Variants in SPANXN3 observed in about 807,000 individuals in gnomAD.
SPANXN3 encodes SPANX family member N3.
Under a neutral mutation model 1.9 loss-of-function variants are expected in SPANXN3, and 1 was observed. The observed-to-expected ratio is 0.54, with a 90% CI of 0.19 to 2.54. The LOEUF is 2.54. Ranked by LOEUF, SPANXN3 falls within the 30% of genes most tolerant of loss-of-function variation. The pLI, the probability that SPANXN3 is intolerant of heterozygous loss-of-function variation, is 0.24. For synonymous variants in SPANXN3, 47 were observed against 40.0 expected, an observed-to-expected ratio of 1.17 and a Z score of -0.66; for missense variants, 113 against 96.2, an observed-to-expected ratio of 1.17 and a Z score of -0.73.
intron 1 of SPANXN3, among the ~76,000 whole-genome samples, chrX:143,516,382 T>C (rs1475081662): frequency 8.9e-6 from 1 of 111,941 alleles, no homozygotes; most frequent in Non-Finnish European, 1.9e-5. Context: ...ACATACACCC[T>C]GGTGTTTCAG....
chrX:143,510,419 A>T (rs1293339767), intron 1 of SPANXN3, among the ~76,000 whole-genome samples: 2 of 110,848 alleles, frequency 1.8e-5, no homozygotes, highest in African/African-American at 3.3e-5. Context: ...GGTGGAATCC[A>T]GTACTCACTT....
At position 143,509,140 on chromosome X, in the gene SPANXN3, A is replaced by T. The variant is rs782020690; in HGVS notation, c.101T>A (p.Val34Asp). The T allele has an allele frequency of 4.1e-6, 5 of 1,206,627 alleles. No homozygotes were observed. Among genetic ancestry groups the T allele is most frequent in the South Asian group, 1.8e-5 (1 of 56,267 alleles). ...NDEMQEVPNRVLAPEQSLKNT... is the reference protein window; with the variant it reads ...NDEMQEVPNRDLAPEQSLKNT... The stretch of plus-strand genomic sequence containing the variant: ...CTTCAAACTCTGTTCGGGGGCTAAG[A>T]CTCTGTTTGGTACCTCTTGCATCTG... Residue 34 changes from valine (V) to aspartate (D), a missense_variant, in exon 2 of 2, where the codon GTC (valine) becomes GAC (aspartate). Transcript: ENST00000370503.
At chrX:143,509,214 A>C in intron 1 of SPANXN3, 52 bp from the exon 2 acceptor site, 1 of 1,040,118 alleles carries the variant, frequency 9.6e-7, no homozygotes, top group African/African-American at 1.9e-5. Flanking sequence ...GGTGAATAGG[A>C]TAGAGACTAG....
chrX:143,515,846 TC>T (rs1369623201), intron 1 of SPANXN3, among the ~76,000 whole-genome samples: 2 of 111,497 alleles, frequency 1.8e-5, no homozygotes, highest in African/African-American at 6.5e-5. Flanking sequence ...AAACTCTTTT[TC>T]CCCCAATCCA....
rs782635184 is a variant in SPANXN3, at chrX:143,515,763, CG to C, written c.78+1550del. Among the ~76,000 whole-genome samples the C allele has an allele frequency of 3.6e-5, 4 of 111,262 alleles. No homozygotes were observed. In the Admixed American group the frequency reaches 3.8e-4, roughly 11 times the overall value. On this transcript the variant is annotated intron_variant, in intron 1 of 1. Transcript: ENST00000370503. ...TCCTGTCAACCTGGCCACATGAACTCGGTCCAAAATAAGCCTGCATCTCACC... is the reference window on the plus strand; with the variant it reads ...TCCTGTCAACCTGGCCACATGAACTCGTCCAAAATAAGCCTGCATCTCACC...
At chrX:143,515,786 C>T (rs1929202575) in intron 1 of SPANXN3, among the ~76,000 whole-genome samples, 1 of 111,848 alleles carries the variant, frequency 8.9e-6, no homozygotes, top group Non-Finnish European at 1.9e-5. Context: ...GCCTGCATCT[C>T]ACCTACTTGA....
At chrX:143,509,185 C>T (rs1929033228) in intron 1 of SPANXN3, 23 bp from the exon 2 acceptor site, 17 of 1,154,483 alleles carry the variant, frequency 1.5e-5, no homozygotes, top group Non-Finnish European at 2.0e-5. Flanking sequence ...TAGGGAGAGG[C>T]CAGAAAGACA....
intron 1 of SPANXN3, among the ~76,000 whole-genome samples, chrX:143,514,009 A>G (rs1350892869): frequency 8.9e-6 from 1 of 112,124 alleles, no homozygotes; most frequent in Non-Finnish European, 1.9e-5. Context: ...TCTGGCAGGA[A>G]CAGGGTTTCC....
intron 1 of SPANXN3, among the ~76,000 whole-genome samples, chrX:143,515,066 A>G (rs6636989): frequency 0.095 from 10,469 of 109,697 alleles, 457 homozygotes; most frequent in African/African-American, 0.16. Flanking sequence ...AAGACAGTAC[A>G]CAAATGCTTA....
chrX:143,510,304 C>T (rs1164760836), intron 1 of SPANXN3: 6 of 111,205 alleles, frequency 5.4e-5, no homozygotes, highest in African/African-American at 2.0e-4. Context: ...TGCAGCCTCC[C>T]TTCTCAGGGG....
At chrX:143,516,115 C>G (rs1929210364) in intron 1 of SPANXN3, among the ~76,000 whole-genome samples, 1 of 111,864 alleles carries the variant, frequency 8.9e-6, no homozygotes, top group Non-Finnish European at 1.9e-5. Context: ...CCATTTCCCC[C>G]TCTCTTTCCA....
chrX:143,512,974 C>T (rs1929128477), intron 1 of SPANXN3, among the ~76,000 whole-genome samples: 1 of 112,089 alleles, frequency 8.9e-6, no homozygotes, highest in Admixed American at 9.4e-5. Flanking sequence ...CACAATATTT[C>T]AGGTAGCCCA....
At chrX:143,509,566 G>A (rs183251057) in intron 1 of SPANXN3, 124 of 135,527 alleles carry the variant, frequency 9.1e-4, no homozygotes, top group Non-Finnish European at 1.6e-3. Flanking sequence ...TCCAGATATT[G>A]ATTAAACTCT....
intron 1 of SPANXN3, among the ~76,000 whole-genome samples, chrX:143,511,225 C>A (rs1381427607): frequency 1.8e-5 from 2 of 111,381 alleles, no homozygotes; most frequent in African/African-American, 6.5e-5. Context: ...CTGCTCATAA[C>A]CCAGTAGGGA....
At position 143,513,462 on chromosome X, in the gene SPANXN3, C is replaced by T. The variant is rs139391135; in HGVS notation, c.78+3852G>A. 8.6e-3 allele frequency among the ~76,000 whole-genome samples: 957 copies of T among 111,913 alleles called. 11 individuals carry two copies. Among genetic ancestry groups the T allele is most frequent in the African/African-American group, 0.029 (908 of 30,781 alleles). On this transcript the variant is annotated intron_variant, in intron 1 of 1. Transcript: ENST00000370503. Reference sequence around the variant, plus strand: ...CTAAAAATCTTGGCTGTGGCCACATCGCTGGCCTTAGAGGCACGGAAACTC... The same window carrying T: ...CTAAAAATCTTGGCTGTGGCCACATTGCTGGCCTTAGAGGCACGGAAACTC...
At chrX:143,511,577 C>G (rs782719689) in intron 1 of SPANXN3, among the ~76,000 whole-genome samples, 2 of 111,357 alleles carry the variant, frequency 1.8e-5, no homozygotes, top group Non-Finnish European at 3.8e-5. Flanking sequence ...AACTAAAAAA[C>G]CCAAACCTAA....
rs782304776 is a variant in SPANXN3, at chrX:143,517,374, G to A, written c.18C>T (p.Ser6=). 4 of 1,209,246 alleles carry A rather than the reference G, an allele frequency of 3.3e-6. No individual in the cohort carries two copies. The African/African-American group carries it at 7.0e-5, about 21-fold the overall frequency. The change falls in exon 1 of 2, where the codon TCC becomes TCT. Residue 6 remains serine, a synonymous_variant. Transcript: ENST00000370503. ...TCTTCGTCTTCTCCCCATTGGTGCT[G>A]GAAGTTGGCTGTTCCATGATTCTGG... is the stretch of plus-strand genomic sequence containing the variant. MEQPT[S]STNGEKTKSP...
intron 1 of SPANXN3, 126 bp from the exon 2 acceptor site, chrX:143,509,288 C>A: frequency 5.4e-6 from 3 of 559,229 alleles, no homozygotes; most frequent in Non-Finnish European, 8.9e-6. Context: ...CAGAGAAGAA[C>A]AAGGTGAAAT....
At chrX:143,513,485 C>T (rs782403175) in intron 1 of SPANXN3, among the ~76,000 whole-genome samples, 1 of 112,024 alleles carries the variant, frequency 8.9e-6, no homozygotes, top group African/African-American at 3.2e-5. Context: ...GGCACGGAAA[C>T]TCCCTCTTTA....
Sources: allele counts gnomAD v4.1 joint callset (sites outside exome capture counted in the v4.1 genomes callset), GRCh38; gene constraint gnomAD v4.1.1; transcripts MANE v1.5; gene names NCBI Gene and HGNC (gene_info 2026-07-23, HGNC 2026-07-21).